BLOC1S1: variants seen among roughly 807,000 people sequenced by gnomAD.
BLOC1S1 encodes the protein biogenesis of lysosome-related organelles complex 1 subunit 1.
Under a neutral mutation model 19.0 loss-of-function variants are expected in BLOC1S1, and 11 were observed. The observed-to-expected ratio is 0.58, with a 90% CI of 0.37 to 0.96. The LOEUF (loss-of-function observed/expected upper bound fraction) is 0.96. Among genes scored for constraint, BLOC1S1 ranks in the 40% least tolerant of loss-of-function variants. BLOC1S1 has a pLI of 0.01. For missense variants in BLOC1S1, 220 were observed against 195.9 expected (o/e 1.12, Z -0.73); for synonymous variants, 94 against 76.4 (o/e 1.23, Z -1.20).
intron 2 of BLOC1S1, 97 bp downstream of exon 2, chr12:55,717,102 G>A (rs1876618868): frequency 9.9e-7 from 1 of 1,014,130 alleles, no homozygotes; most frequent in Non-Finnish European, 1.4e-6. Context: ...TGAAGGGGTG[G>A]GATGTTCCAC....
intron 2 of BLOC1S1, among the ~76,000 whole-genome samples, chr12:55,718,019 C>T (rs1876707814): frequency 6.6e-6 from 1 of 152,212 alleles, no homozygotes. Context: ...CTGCTGTGCC[C>T]ATCATTTGTG....
In BLOC1S1 at chr12:55,716,931, A is replaced by G; in HGVS notation, c.146-2A>G. The G allele has an allele frequency of 6.3e-7, 1 of 1,584,744 alleles. No homozygotes were observed. The highest frequency in any genetic ancestry group is 8.6e-7 in the Non-Finnish European group (1 of 1,168,530). On this transcript the variant is annotated splice_acceptor_variant, in intron 1 of 3. Coordinates refer to ENST00000548925, the MANE Select transcript of BLOC1S1 (RefSeq NM_001487.4). LOFTEE classifies it high-confidence loss of function. ...TCCAATTCCTTTTCCCCCTCTCCCC[A>G]GAAAAGAGGAGGCGAGAGGCTATCA...
intron 3 of BLOC1S1, 113 bp from the exon 4 acceptor site, chr12:55,719,383 TTGG>T: frequency 1.4e-5 from 20 of 1,460,098 alleles, no homozygotes; most frequent in South Asian, 2.3e-5. Flanking sequence ...AGAAAAGCAG[TTGG>T]TGGGTCCAAG....
intron 2 of BLOC1S1, among the ~76,000 whole-genome samples, chr12:55,718,865 A>G (rs957257736): frequency 6.6e-6 from 1 of 151,834 alleles, no homozygotes; most frequent in Non-Finnish European, 1.5e-5. Flanking sequence ...TGGAGCTGGT[A>G]TGTTTCTAGT....
In BLOC1S1 at chr12:55,716,976, A is replaced by G; in HGVS notation, c.189A>G (p.Thr63=). 6.3e-7 allele frequency: 1 copy of G among 1,598,502 alleles called. No individual in the cohort carries two copies. The highest frequency in any genetic ancestry group is 1.1e-5 in the South Asian group (1 of 88,464). ...CTATCACTGCAGCGACCTGCCTGAC[A>G]GAAGCTTTGGTGGATCACCTCAATG... ...REAITAATCL[T]EALVDHLNVG... Residue 63 remains threonine (T), a synonymous_variant, in exon 2 of 4, where the codon ACA becomes ACG. Transcript: ENST00000548925.
At chr12:55,718,972 A>G in intron 2 of BLOC1S1, 119 bp from the exon 3 acceptor site, 2 of 1,361,624 alleles carry the variant, frequency 1.5e-6, no homozygotes, top group Non-Finnish European at 2.0e-6. Flanking sequence ...ACATCCAAAA[A>G]TGGCCAAAAT....
In BLOC1S1 at chr12:55,719,482, C is replaced by T. The variant is rs1195766333; in HGVS notation, c.352-17C>T. ...CATTCTGATTCCTGGGCTCCCACCTCCTCTCCCCCTTCCCAGGAAATTGGG... is the reference window on the plus strand; with the variant it reads ...CATTCTGATTCCTGGGCTCCCACCTTCTCTCCCCCTTCCCAGGAAATTGGG... On this transcript the variant is annotated splice_polypyrimidine_tract_variant and intron_variant, in intron 3 of 3. Coordinates refer to ENST00000548925, the MANE Select transcript of BLOC1S1 (RefSeq NM_001487.4). 6.2e-7 allele frequency: 1 copy of T among 1,610,856 alleles called. No homozygotes were observed. Among genetic ancestry groups the T allele is most frequent in the Admixed American group, 1.7e-5 (1 of 60,016 alleles).
In BLOC1S1 at chr12:55,719,669, G is replaced by C; in HGVS notation, c.*60G>C. 1 of 1,430,156 alleles carries C rather than the reference G, an allele frequency of 7.0e-7. No homozygotes were observed. The highest frequency in any genetic ancestry group is 9.8e-7 in the Non-Finnish European group (1 of 1,019,530). The allele number at this position is 1,430,156 out of a possible 1,614,324, so 88.6% of individuals were successfully genotyped here. A position where few individuals can be genotyped will look rare whatever the true frequency, so the allele number is the denominator to read the frequency against. On this transcript the variant is annotated 3_prime_UTR_variant, in exon 4 of 4. Coordinates refer to ENST00000548925, the MANE Select transcript of BLOC1S1 (RefSeq NM_001487.4). ...CTCACCCGCAGGGGGAAGGAGGGAGGCTGACAAGCCTTGAATAAAACACAA... is the reference window on the plus strand; with the variant it reads ...CTCACCCGCAGGGGGAAGGAGGGAGCCTGACAAGCCTTGAATAAAACACAA...
At chr12:55,717,657 G>A (rs1387359204) in intron 2 of BLOC1S1, among the ~76,000 whole-genome samples, 1 of 152,204 alleles carries the variant, frequency 6.6e-6, no homozygotes, top group Non-Finnish European at 1.5e-5. Flanking sequence ...AGGCAGTATG[G>A]TACCTTCCAC....
chr12:55,719,090 G>T lies in BLOC1S1; in HGVS notation c.219-1G>T. ...ATCTCCTCCCTCCTCCAACCCCCCA[G>T]TGTGGCCCAGGCCTACATGAACCAG... On this transcript the variant is annotated splice_acceptor_variant, in intron 2 of 3. Transcript: ENST00000548925. LOFTEE classifies it high-confidence loss of function. The T allele has an allele frequency of 6.2e-7, 1 of 1,613,680 alleles. No individual in the cohort carries two copies.
Position 55,716,127 on chromosome 12 carries a change from G to A in BLOC1S1, c.76G>A (p.Asp26Asn). The A allele has an allele frequency of 6.2e-7, 1 of 1,610,426 alleles. No individual in the cohort carries two copies. Among genetic ancestry groups the A allele is most frequent in the Non-Finnish European group, 8.5e-7 (1 of 1,178,292 alleles). The change falls in exon 1 of 4, where the codon GAC becomes AAC. Residue 26 changes from aspartate to asparagine, a missense_variant. Transcript: ENST00000548925. ...RGPGVPSPQPDVTMLSRLLKE... is the reference protein window; with the variant it reads ...RGPGVPSPQPNVTMLSRLLKE... ...GCCCGGCGTACCCAGCCCCCAGCCC[G>A]ACGTGACCATGCTGTCCCGCCTCCT... is the stretch of plus-strand genomic sequence containing the variant.
At chr12:55,716,240 C>A in intron 1 of BLOC1S1, 44 bp downstream of exon 1, 1 of 1,568,004 alleles carries the variant, frequency 6.4e-7, no homozygotes, top group East Asian at 2.4e-5. Context: ...CGGCCGCGGC[C>A]TAGCTTCAGC....
At position 55,716,071 on chromosome 12, in the gene BLOC1S1, G is replaced by GTT. The variant is rs752447896; in HGVS notation, c.21_22insTT (p.Glu8LeufsTer21). The GTT allele has an allele frequency of 2.0e-5, 31 of 1,569,286 alleles. No homozygotes were observed. In the East Asian group the frequency reaches 7.2e-4, roughly 36 times the overall value. On this transcript the variant is annotated frameshift_variant, in exon 1 of 4. Coordinates refer to ENST00000548925, the MANE Select transcript of BLOC1S1 (RefSeq NM_001487.4). LOFTEE classifies it high-confidence loss of function. ...CGTGACATGGCCCCGGGGAGCCGAG[G>GTT]TGAGCGTTCCAGCTTCCGGAGCCGG...
chr12:55,717,297 CT>C (rs1876637669), intron 2 of BLOC1S1, among the ~76,000 whole-genome samples: 1 of 152,204 alleles, frequency 6.6e-6, no homozygotes, highest in South Asian at 2.1e-4. Flanking sequence ...TCCCTTCACC[CT>C]TCCAAGTCCA....
Position 55,716,914 on chromosome 12 carries a change from CT to C in BLOC1S1, c.146-15del, listed in dbSNP as rs1277749898. On this transcript the variant is annotated intron_variant, in intron 1 of 3. Transcript: ENST00000548925. Reference sequence around the variant, plus strand: ...AAAAACCAAGTCTCCCCTCCAATTCCTTTTCCCCCTCTCCCCAGAAAAGAGG... The same window carrying C: ...AAAAACCAAGTCTCCCCTCCAATTCCTTTCCCCCTCTCCCCAGAAAAGAGG... The C allele has an allele frequency of 5.1e-6, 8 of 1,578,828 alleles. No individual in the cohort carries two copies. The highest frequency in any genetic ancestry group is 4.8e-5 in the East Asian group (2 of 41,782).
At chr12:55,717,465 C>T (rs1158868511) in intron 2 of BLOC1S1, among the ~76,000 whole-genome samples, 1 of 152,142 alleles carries the variant, frequency 6.6e-6, no homozygotes, top group African/African-American at 2.4e-5. Context: ...GGAGCTATGG[C>T]AGAGCCAGGC....
At chr12:55,719,410 A>G in intron 3 of BLOC1S1, 89 bp from the exon 4 acceptor site, 1 of 1,463,264 alleles carries the variant, frequency 6.8e-7, no homozygotes, top group Non-Finnish European at 9.6e-7. Flanking sequence ...AGCCTTTTCC[A>G]GGAGATGAAT....
Position 55,716,095 on chromosome 12 carries a change from G to T in BLOC1S1, c.44G>T (p.Arg15Leu). ...GGTGAGCGTTCCAGCTTCCGGAGCC[G>T]GAGGGGGCCCGGCGTACCCAGCCCC... is the stretch of plus-strand genomic sequence containing the variant. Reference protein sequence around the residue: ...SRGERSSFRSRRGPGVPSPQP... With the variant: ...SRGERSSFRSLRGPGVPSPQP... Residue 15 changes from arginine (R) to leucine (L), a missense_variant, in exon 1 of 4, where the codon CGG (arginine) becomes CTG (leucine). Transcript: ENST00000548925. 6.3e-7 allele frequency: 1 copy of T among 1,593,554 alleles called. No individual in the cohort carries two copies. The highest frequency in any genetic ancestry group is 8.5e-7 in the Non-Finnish European group (1 of 1,170,752).
chr12:55,717,046 C>G lies in BLOC1S1; in HGVS notation c.218+41C>G, dbSNP rs764861155. 3 of 1,528,590 alleles carry G rather than the reference C, an allele frequency of 2.0e-6. No individual in the cohort carries two copies. In the East Asian group the frequency reaches 7.5e-5, roughly 38 times the overall value. The allele number at this position is 1,528,590 out of a possible 1,614,324, so 94.7% of individuals were successfully genotyped here. Reference sequence around the variant, plus strand: ...CAACATCAGTTTCCTCCTTCCCCACCCCGCCCAAGTTTAGGCACTGGCCAG... The same window carrying G: ...CAACATCAGTTTCCTCCTTCCCCACGCCGCCCAAGTTTAGGCACTGGCCAG... On this transcript the variant is annotated intron_variant, in intron 2 of 3. Coordinates refer to ENST00000548925, the MANE Select transcript of BLOC1S1 (RefSeq NM_001487.4).
Sources: allele counts gnomAD v4.1 joint callset (sites outside exome capture counted in the v4.1 genomes callset), GRCh38; gene constraint gnomAD v4.1.1; transcripts MANE v1.5; gene names NCBI Gene and HGNC (gene_info 2026-07-23, HGNC 2026-07-21).